Variants in USP54 observed in about 807,000 individuals in gnomAD.
USP54 encodes ubiquitin specific peptidase 54, also known as ubiquitin carboxyl-terminal hydrolase 54.
In USP54, 87 loss-of-function variants were observed where a neutral mutation model predicts 170.5. That is an observed-to-expected ratio of 0.51 (90% CI 0.43 to 0.61). The LOEUF (loss-of-function observed/expected upper bound fraction) is 0.61, where lower values mean the gene tolerates loss of function less well. Ranked by LOEUF, USP54 falls within the 20% of genes least tolerant of loss-of-function variation. USP54 has a pLI of 0.00. For synonymous variants in USP54, 655 were observed against 742.8 expected (o/e 0.88, Z 1.92); for missense variants, 1,786 against 2,047.8 (o/e 0.87, Z 2.47).
chr10:73,541,444 C>T lies in USP54; in HGVS notation c.756G>A (p.Trp252Ter). 6.2e-7 allele frequency: 1 copy of T among 1,614,144 alleles called. No individual in the cohort carries two copies. Residue 252 changes from tryptophan (W) to a stop codon, truncating the protein, a stop_gained, in exon 9 of 24, where the codon TGG becomes TGA. Coordinates refer to ENST00000687698, the MANE Select transcript of USP54 (RefSeq NM_001391956.1). LOFTEE classifies it high-confidence loss of function. ...CTGCTAAGTCTGAGTGGTCTGAGTC[C>T]CATACCAGCCCAATCGTGATAATCT... ...APQIITIGLV[W>*]DSDHSDLAED... is the part of the protein sequence containing the mutation.
At chr10:73,593,154 T>C (rs1249829114), upstream of USP54, among the ~76,000 whole-genome samples, 1 of 149,974 alleles carries the variant, frequency 6.7e-6, no homozygotes, top group Non-Finnish European at 1.5e-5. Flanking sequence ...AGCCCAGGAG[T>C]TCAAGACCAG....
Position 73,591,297 on chromosome 10 carries a change from C to G in USP54, c.-601G>C, listed in dbSNP as rs2078223351. 6.6e-6 allele frequency: 1 copy of G among 152,120 alleles called. No individual in the cohort carries two copies. The highest frequency in any genetic ancestry group is 2.1e-4 in the South Asian group (1 of 4,824). 9.4% of individuals were successfully genotyped at this position (152,120 alleles called of 1,614,324 possible). ...ACTTACCAGACAGCACAGTCAACCTCCAGCAAAAGACCTCTAATCACGAGG... is the reference window on the plus strand; with the variant it reads ...ACTTACCAGACAGCACAGTCAACCTGCAGCAAAAGACCTCTAATCACGAGG... On this transcript the variant is annotated 5_prime_UTR_variant, in exon 1 of 24. Transcript: ENST00000687698.
intron 3 of USP54, among the ~76,000 whole-genome samples, chr10:73,575,286 A>G (rs1319524714): frequency 6.6e-6 from 1 of 152,214 alleles, no homozygotes; most frequent in Non-Finnish European, 1.5e-5. Flanking sequence ...TACAGTTATT[A>G]TTATTTCTCT....
rs781278105 is a variant in USP54, at chr10:73,520,919, T to C, written c.2471A>G (p.Asn824Ser). ...GDCAAALALC[N>S]EAISKLRLAL... ...TTAGAGTTACTTACAGATAGCTTCA[T>C]TACAGAGAGCCAAAGCTGCAGCACA... The change falls in exon 18 of 24, where the codon AAT becomes AGT. Residue 824 changes from asparagine to serine, a missense_variant. By Grantham distance (46) the Asn-to-Ser change is conservative. Transcript: ENST00000687698. 2.5e-6 allele frequency: 4 copies of C among 1,614,180 alleles called. No homozygotes were observed. The South Asian group carries it at 3.3e-5, about 13-fold the overall frequency.
chr10:73,587,474 C>CA (rs974725463), intron 1 of USP54, among the ~76,000 whole-genome samples: 23 of 149,446 alleles, frequency 1.5e-4, no homozygotes, highest in African/African-American at 4.4e-4. Flanking sequence ...GACTCCATCT[C>CA]AAAAAAAACA....
At chr10:73,591,560 T>A (rs2078253717), upstream of USP54, 1 of 152,152 alleles carries the variant, frequency 6.6e-6, no homozygotes, top group African/African-American at 2.4e-5. Context: ...GAGCTTCCAA[T>A]TAAAAACAAA....
chr10:73,600,876 T>G (rs943658904), intron 1 of USP54, among the ~76,000 whole-genome samples: 2 of 152,140 alleles, frequency 1.3e-5, no homozygotes, highest in African/African-American at 4.8e-5. Flanking sequence ...ATCGCGCCAC[T>G]GCACTCCAGC....
At chr10:73,545,743 C>CATGCTATCATCATGGAG in intron 4 of USP54, 71 bp from the exon 5 acceptor site, 3 of 1,545,526 alleles carry the variant, frequency 1.9e-6, no homozygotes, top group Non-Finnish European at 2.6e-6. Flanking sequence ...CCTAGTCTGT[C>CATGCTATCATCATGGAG]ATGCTAGCAT....
intron 4 of USP54, 137 bp from the exon 5 acceptor site, chr10:73,545,809 A>G (rs891035792): frequency 2.5e-5 from 23 of 933,246 alleles, no homozygotes; most frequent in Admixed American, 1.1e-4. Context: ...ACATGCTTGC[A>G]GTTAGTAATT....
In USP54 at chr10:73,606,694, C is replaced by T. The variant is rs371140846; in HGVS notation, c.-18+18873G>A. ...GAGATCGAGACCATCCTGGCTAACA[C>T]GGTGAAACCCTGTCTCTACTAAAAA... On this transcript the variant is annotated intron_variant, in intron 1 of 22. Coordinates refer to the USP54 transcript ENST00000339859. Among the ~76,000 whole-genome samples the T allele has an allele frequency of 4.6e-5, 7 of 151,668 alleles. No individual in the cohort carries two copies. The East Asian group carries it at 1.2e-3, about 25-fold the overall frequency.
At chr10:73,503,050 T>A (rs934578875) in intron 22 of USP54, among the ~76,000 whole-genome samples, 1 of 152,200 alleles carries the variant, frequency 6.6e-6, no homozygotes, top group Non-Finnish European at 1.5e-5. Flanking sequence ...ATCTCTATCC[T>A]TCCAAACTAC....
In USP54 at chr10:73,519,790, G is replaced by A; in HGVS notation, c.2678+7C>T. On this transcript the variant is annotated splice_region_variant and intron_variant, in intron 19 of 23. Transcript: ENST00000687698. ...ATTCATAAACTAACATGGTTCCCAA[G>A]CACTACCTTGTTGGCTGAGAGAGAG... 1.9e-6 allele frequency: 3 copies of A among 1,613,716 alleles called. No individual in the cohort carries two copies. Among genetic ancestry groups the A allele is most frequent in the African/African-American group, 1.3e-5 (1 of 75,014 alleles).
chr10:73,588,635 A>G (rs1181758516), intron 1 of USP54, among the ~76,000 whole-genome samples: 1 of 152,224 alleles, frequency 6.6e-6, no homozygotes, highest in African/African-American at 2.4e-5. Flanking sequence ...AATATTGCAA[A>G]AGCAAACTGA....
intron 1 of USP54, chr10:73,611,577 C>G (rs2080146414): frequency 6.7e-6 from 1 of 149,658 alleles, no homozygotes. Context: ...CATCCCTTGA[C>G]ATCAGGAGTT....
intron 4 of USP54, among the ~76,000 whole-genome samples, chr10:73,554,395 A>T (rs991061915): frequency 6.6e-6 from 1 of 152,336 alleles, no homozygotes; most frequent in South Asian, 2.1e-4. Flanking sequence ...GAATCATAGA[A>T]CTTAATTGGC....
chr10:73,552,508 C>G lies in USP54; in HGVS notation c.241-6836G>C, dbSNP rs1408306427. ...ACACATATATATATAAGATATACAT[C>G]AGCCGGGCGTGGTGGCCCACGCCTG... On this transcript the variant is annotated intron_variant, in intron 4 of 23. Coordinates refer to ENST00000687698, the MANE Select transcript of USP54 (RefSeq NM_001391956.1). Among the ~76,000 whole-genome samples, 4 of 151,756 alleles carry G rather than the reference C, an allele frequency of 2.6e-5. No homozygotes were observed. In the East Asian group the frequency reaches 5.8e-4, roughly 22 times the overall value.
rs2066961657 is a variant in USP54 at position 73,543,039 on chromosome 10, A to G, written c.468T>C (p.Phe156=). ...TCACCTGCTCAAACAATGTCATTGC[A>G]AATTTCTGATGGGAAATGCAGTGTT... ...TAQHCISHQK[F]AMTLFEQCVC... The change falls in exon 6 of 24, where the codon TTT becomes TTC. Residue 156 remains phenylalanine, a synonymous_variant. Coordinates refer to ENST00000687698, the MANE Select transcript of USP54 (RefSeq NM_001391956.1). The G allele has an allele frequency of 1.9e-6, 3 of 1,614,146 alleles. No homozygotes were observed. In the East Asian group the frequency reaches 6.7e-5, roughly 36 times the overall value.
chr10:73,550,916 C>T (rs183536057), intron 4 of USP54, among the ~76,000 whole-genome samples: 1 of 152,212 alleles, frequency 6.6e-6, no homozygotes, highest in African/African-American at 2.4e-5. Flanking sequence ...ACCATCCTGG[C>T]TAACAAGGTG....
chr10:73,601,832 G>A (rs975345306), intron 1 of USP54, among the ~76,000 whole-genome samples: 2 of 152,180 alleles, frequency 1.3e-5, no homozygotes, highest in African/African-American at 4.8e-5. Context: ...CTGAACGCAG[G>A]TGGCAGTGGC....
Sources: allele counts gnomAD v4.1 joint callset (sites outside exome capture counted in the v4.1 genomes callset), GRCh38; gene constraint gnomAD v4.1.1; transcripts MANE v1.5; gene names NCBI Gene and HGNC (gene_info 2026-07-23, HGNC 2026-07-21).